Variants in ANKS1B observed in about 807,000 individuals in gnomAD.
ANKS1B encodes ankyrin repeat and sterile alpha motif domain-containing protein 1B.
In ANKS1B, 36 loss-of-function variants were observed where a neutral mutation model predicts 148.3. The observed-to-expected ratio is 0.24, with a 90% confidence interval of 0.19 to 0.32. The LOEUF is 0.32. Ranked by LOEUF, ANKS1B falls within the 10% of genes least tolerant of loss-of-function variation. ANKS1B has a pLI of 1.00. For synonymous variants in ANKS1B, 542 were observed against 560.8 expected, an observed-to-expected ratio of 0.97 and a Z score of 0.47; for missense variants, 1,157 against 1,542.6, an observed-to-expected ratio of 0.75 and a Z score of 4.19.
At chr12:98,838,928 C>T (rs553736518) in intron 17 of ANKS1B, among the ~76,000 whole-genome samples, 6 of 152,310 alleles carry the variant, frequency 3.9e-5, no homozygotes, top group African/African-American at 1.4e-4. Flanking sequence ...TAAACACTTT[C>T]CACCTGAAAG....
In ANKS1B at chr12:99,660,363, CT is replaced by C. The variant is rs71088137; in HGVS notation, c.1129-5154del. On this transcript the variant is annotated intron_variant, in intron 8 of 26. Transcript: ENST00000683438. The stretch of plus-strand genomic sequence containing the variant: ...TACCTTTATCTTTCTTTTTCTTTTT[CT>C]TTTTTTTTTTTTTTTTTGAGGTGGA... Among the ~76,000 whole-genome samples, 456 of 120,550 alleles carry C rather than the reference CT, an allele frequency of 3.8e-3. 1 individual carries two copies. Among genetic ancestry groups the C allele is most frequent in the Non-Finnish European group, 5.0e-3 (300 of 60,168 alleles). 79.1% of individuals were successfully genotyped at this position (120,550 alleles called of 152,430 possible). A position where few individuals can be genotyped will look rare whatever the true frequency, so the allele number is the denominator to read the frequency against.
intron 9 of ANKS1B, among the ~76,000 whole-genome samples, chr12:99,527,852 G>GA (rs1049394148): frequency 6.9e-6 from 1 of 145,232 alleles, no homozygotes; most frequent in African/African-American, 2.6e-5. Context: ...AACATAATGA[G>GA]AAAAAAACTA....
chr12:99,931,687 A>C (rs2094620284), intron 1 of ANKS1B, among the ~76,000 whole-genome samples: 1 of 152,188 alleles, frequency 6.6e-6, no homozygotes, highest in Non-Finnish European at 1.5e-5. Context: ...GGGGTACATG[A>C]GAAATTTTGA....
chr12:99,245,706 CTTT>C (rs2153969075), intron 13 of ANKS1B, among the ~76,000 whole-genome samples: 1 of 152,304 alleles, frequency 6.6e-6, no homozygotes, highest in South Asian at 2.1e-4. Flanking sequence ...AAATTAAACA[CTTT>C]AAGTAGAACT....
intron 8 of ANKS1B, among the ~76,000 whole-genome samples, chr12:99,673,868 T>C (rs1235468329): frequency 2.0e-5 from 3 of 151,796 alleles, no homozygotes; most frequent in African/African-American, 7.2e-5. Context: ...CAATTACATA[T>C]TTATAGAACT....
At chr12:99,644,982 C>T (rs1193632938) in intron 9 of ANKS1B, among the ~76,000 whole-genome samples, 2 of 152,096 alleles carry the variant, frequency 1.3e-5, no homozygotes, top group South Asian at 2.1e-4. Context: ...GTGATTACAC[C>T]GGACCCCCAA....
chr12:99,024,209 T>C (rs1043219541), intron 17 of ANKS1B, among the ~76,000 whole-genome samples: 5 of 152,146 alleles, frequency 3.3e-5, no homozygotes, highest in Non-Finnish European at 5.9e-5. Flanking sequence ...AGTACCACAG[T>C]TGTATAAATT....
chr12:98,751,341 T>A lies in ANKS1B; in HGVS notation c.3747+14A>T. ...TTCAAGGTTTTTTAGAACATCTGTA[T>A]CGTTTCTACTTACCACGGACTTGCG... On this transcript the variant is annotated intron_variant, in intron 26 of 26. Coordinates refer to ENST00000683438, the MANE Select transcript of ANKS1B (RefSeq NM_001352186.2). This position sits in a 1 kb window ranked among gnomAD's most constrained non-coding sequence, Gnocchi z 4.3. 2 of 1,612,742 alleles carry A rather than the reference T, an allele frequency of 1.2e-6. No homozygotes were observed. The highest frequency in any genetic ancestry group is 1.7e-6 in the Non-Finnish European group (2 of 1,179,558).
At chr12:99,914,926 A>T (rs140654578) in intron 1 of ANKS1B, among the ~76,000 whole-genome samples, 27 of 152,156 alleles carry the variant, frequency 1.8e-4, no homozygotes, top group Admixed American at 1.1e-3. Flanking sequence ...GTCAGGTCCT[A>T]CTGATAAAAG....
At chr12:99,797,324 C>G (rs906984798) in intron 4 of ANKS1B, among the ~76,000 whole-genome samples, 5 of 151,962 alleles carry the variant, frequency 3.3e-5, no homozygotes, top group Non-Finnish European at 7.4e-5. Context: ...GAGCACTATT[C>G]TGTACATCTC....
intron 14 of ANKS1B, among the ~76,000 whole-genome samples, chr12:99,168,943 A>G (rs2077472388): frequency 1.3e-5 from 2 of 152,250 alleles, no homozygotes; most frequent in Non-Finnish European, 2.9e-5. Context: ...TTAGGTATCT[A>G]AAATTAATTT....
At position 99,417,772 on chromosome 12, in the gene ANKS1B, C is replaced by T. The variant is rs147956665; in HGVS notation, c.1576-17961G>A. On this transcript the variant is annotated intron_variant, in intron 11 of 26. Transcript: ENST00000683438. ...CTGTACATGTTAAAGAGGAGTTCAC[C>T]GAGGCTCATAATCAAACTATCAAAA... is the stretch of plus-strand genomic sequence containing the variant. Among the ~76,000 whole-genome samples the T allele has an allele frequency of 5.2e-3, 794 of 151,778 alleles. 9 individuals carry two copies. The highest frequency in any genetic ancestry group is 0.018 in the African/African-American group (755 of 41,336).
chr12:99,597,314 C>G (rs2097766508), intron 9 of ANKS1B, among the ~76,000 whole-genome samples: 1 of 151,842 alleles, frequency 6.6e-6, no homozygotes, highest in African/African-American at 2.4e-5. Flanking sequence ...AATGTACACA[C>G]ACTGTTATAC....
At chr12:99,546,770 A>T (rs1191869755) in intron 9 of ANKS1B, among the ~76,000 whole-genome samples, 2 of 152,160 alleles carry the variant, frequency 1.3e-5, no homozygotes. Context: ...GAAGGGAAAA[A>T]TAGTTAACTA....
At chr12:98,879,318 A>G (rs2099700292) in intron 17 of ANKS1B, among the ~76,000 whole-genome samples, 1 of 152,240 alleles carries the variant, frequency 6.6e-6, no homozygotes, top group African/African-American at 2.4e-5. Context: ...TGCAAGGTAG[A>G]TATCATCACC....
chr12:98,817,930 T>G (rs1464375355), intron 19 of ANKS1B, among the ~76,000 whole-genome samples: 2 of 152,130 alleles, frequency 1.3e-5, no homozygotes, highest in African/African-American at 2.4e-5. Context: ...AGGCCAACAG[T>G]TGTTTCTCTA....
At chr12:98,780,210 G>T (rs1322502642) in intron 24 of ANKS1B, among the ~76,000 whole-genome samples, 1 of 152,176 alleles carries the variant, frequency 6.6e-6, no homozygotes, top group Non-Finnish European at 1.5e-5. Flanking sequence ...CCAGGTGGGA[G>T]GTCTGGGTGA....
At chr12:98,783,059 A>C (rs998926082) in intron 22 of ANKS1B, among the ~76,000 whole-genome samples, 2 of 151,164 alleles carry the variant, frequency 1.3e-5, no homozygotes, top group African/African-American at 4.9e-5. Context: ...ATTTTCTGCA[A>C]AGCGTCACAG....
intron 17 of ANKS1B, among the ~76,000 whole-genome samples, chr12:99,034,381 T>C (rs2099954218): frequency 6.6e-6 from 1 of 152,152 alleles, no homozygotes; most frequent in African/African-American, 2.4e-5. Context: ...AATGGCACAA[T>C]CACTGCTCAT....
Sources: allele counts gnomAD v4.1 joint callset (sites outside exome capture counted in the v4.1 genomes callset), GRCh38; gene constraint gnomAD v4.1.1; non-coding constraint Gnocchi (gnomAD v3.1); transcripts MANE v1.5; gene names NCBI Gene and HGNC (gene_info 2026-07-23, HGNC 2026-07-21).